PBXIP1: variants seen among roughly 807,000 people sequenced by gnomAD.
PBXIP1 encodes pre-B-cell leukemia transcription factor-interacting protein 1.
PBXIP1 carries 73 observed loss-of-function variants against 73.7 expected under a neutral mutation model. That is an observed-to-expected ratio of 0.99 (90% CI 0.82 to 1.20). PBXIP1 has a LOEUF of 1.20. Among genes scored for constraint, PBXIP1 ranks in the 50% most tolerant of loss-of-function variants. The pLI is 0.00. For synonymous variants in PBXIP1, 330 were observed against 366.9 expected, an observed-to-expected ratio of 0.90 and a Z score of 1.15; for missense variants, 818 against 911.4, an observed-to-expected ratio of 0.90 and a Z score of 1.32.
At chr1:154,948,398 G>A in intron 5 of PBXIP1, 32 bp from the exon 6 acceptor site, 2 of 1,450,340 alleles carry the variant, frequency 1.4e-6, no homozygotes, top group Admixed American at 2.0e-5. Context: ...GGGCAGTGAG[G>A]TGACTGGAGA....
chr1:154,954,375 C>T (rs535058845), intron 1 of PBXIP1, among the ~76,000 whole-genome samples: 4 of 152,254 alleles, frequency 2.6e-5, no homozygotes, highest in East Asian at 1.9e-4. Context: ...GGGGTAGGCC[C>T]GGCTGTGGGT....
At chr1:154,953,317 C>T (rs999663917) in intron 2 of PBXIP1, among the ~76,000 whole-genome samples, 2 of 152,188 alleles carry the variant, frequency 1.3e-5, no homozygotes, top group Non-Finnish European at 2.9e-5. Flanking sequence ...CCAACACTGG[C>T]TCCAACCCAC....
intron 2 of PBXIP1, among the ~76,000 whole-genome samples, chr1:154,952,527 T>A (rs1655042812): frequency 6.6e-6 from 1 of 152,004 alleles, no homozygotes; most frequent in Admixed American, 6.5e-5. Context: ...CTCGGCCTCC[T>A]CCCTCTGCCT....
chr1:154,947,433 A>G lies in PBXIP1; in HGVS notation c.854T>C (p.Leu285Pro). The G allele has an allele frequency of 1.2e-6, 2 of 1,614,104 alleles. No homozygotes were observed. Among genetic ancestry groups the G allele is most frequent in the Non-Finnish European group, 1.7e-6 (2 of 1,179,988 alleles). The change falls in exon 9 of 11, where the codon CTG (leucine) becomes CCG (proline). Residue 285 changes from leucine to proline, a missense_variant. Transcript: ENST00000368463. ...TGTGCCCACCTGCAGCTGGGCCTGC[A>G]GCAGCCGGATGTCCTGGTTCTCCTT... ...LAKENQDIRL[L>P]QAQLQAQKEE...
intron 7 of PBXIP1, 112 bp downstream of exon 7, chr1:154,947,870 C>G: frequency 7.3e-7 from 1 of 1,378,256 alleles, no homozygotes; most frequent in Non-Finnish European, 1.0e-6. Context: ...GAACAGCTGA[C>G]AAGGCCACTA....
Position 154,951,492 on chromosome 1 carries a change from T to C in PBXIP1, c.222A>G (p.Leu74=). ...TCACCTTGACCTCAGTCTCCTCTGTTAGAATGCTGCCAGACTGAGGGCTTT... is the reference window on the plus strand; with the variant it reads ...TCACCTTGACCTCAGTCTCCTCTGTCAGAATGCTGCCAGACTGAGGGCTTT... ...QTESPQSGSI[L]TEETEVKGTL... Residue 74 remains leucine, a synonymous_variant, in exon 4 of 11, where the codon CTA becomes CTG. Coordinates refer to ENST00000368463, the MANE Select transcript of PBXIP1 (RefSeq NM_020524.4). The surrounding 1 kb of genome is among the most constrained non-coding windows in gnomAD (Gnocchi z 4.3). 6.2e-7 allele frequency: 1 copy of C among 1,614,026 alleles called. No homozygotes were observed.
At chr1:154,945,348 A>G (rs1654766681) in intron 10 of PBXIP1, among the ~76,000 whole-genome samples, 1 of 152,160 alleles carries the variant, frequency 6.6e-6, no homozygotes, top group South Asian at 2.1e-4. Context: ...GCAACTCAGG[A>G]GAAAGAATCC....
chr1:154,948,150 C>T lies in PBXIP1; in HGVS notation c.626G>A (p.Gly209Glu). 2 of 1,587,130 alleles carry T rather than the reference C, an allele frequency of 1.3e-6. No individual in the cohort carries two copies. Among genetic ancestry groups the T allele is most frequent in the East Asian group, 2.2e-5 (1 of 44,602 alleles). The change falls in exon 6 of 11, where the codon GGG becomes GAG. Residue 209 changes from glycine (G) to glutamate (E), a missense_variant. Transcript: ENST00000368463. Reference sequence around the variant, plus strand: ...CCACTCACCTGAGAAGAGGAGGACCCCCAGGCCAAGCAGAACCAGGGCCCC... The same window carrying T: ...CCACTCACCTGAGAAGAGGAGGACCTCCAGGCCAAGCAGAACCAGGGCCCC... ...LLGALVLLGLGVLLFSGGLSE... is the reference protein window; with the variant it reads ...LLGALVLLGLEVLLFSGGLSE...
At chr1:154,945,402 A>T (rs1037934963) in intron 10 of PBXIP1, among the ~76,000 whole-genome samples, 170 bp downstream of exon 10, 3 of 152,170 alleles carry the variant, frequency 2.0e-5, no homozygotes, top group African/African-American at 7.2e-5. Context: ...TGGGGTGGGC[A>T]CAGGCAGCTT....
Position 154,946,320 on chromosome 1 carries a change from C to A in PBXIP1, c.1354G>T (p.Val452Phe), listed in dbSNP as rs763666133. ...GLENWGQDPG[V>F]SANASKAWHQ... ...CAGGCCTTTGAGGCATTGGCAGAGACCCCAGGGTCCTGGCCCCAGTTCTCC... is the reference window on the plus strand; with the variant it reads ...CAGGCCTTTGAGGCATTGGCAGAGAACCCAGGGTCCTGGCCCCAGTTCTCC... Residue 452 changes from valine (V) to phenylalanine (F), a missense_variant, in exon 10 of 11, where the codon GTC (valine) becomes TTC (phenylalanine). Physicochemically the swap from Val to Phe is conservative, Grantham distance 50 (BLOSUM62 -1). Transcript: ENST00000368463. 2 of 1,614,030 alleles carry A rather than the reference C, an allele frequency of 1.2e-6. No individual in the cohort carries two copies. Among genetic ancestry groups the A allele is most frequent in the African/African-American group, 2.7e-5 (2 of 74,922 alleles).
chr1:154,944,940 G>A lies in PBXIP1; in HGVS notation c.*84C>T. ...ATATCTGAGGACACCAAACAAGCCAGGACAGAGTCCACCCTCCAGGAGTTA... is the reference window on the plus strand; with the variant it reads ...ATATCTGAGGACACCAAACAAGCCAAGACAGAGTCCACCCTCCAGGAGTTA... On this transcript the variant is annotated 3_prime_UTR_variant, in exon 11 of 11. Transcript: ENST00000368463. 1 of 1,134,862 alleles carries A rather than the reference G, an allele frequency of 8.8e-7. No homozygotes were observed. The highest frequency in any genetic ancestry group is 1.5e-5 in the African/African-American group (1 of 65,966). 70.3% of individuals were successfully genotyped at this position (1,134,862 alleles called of 1,614,324 possible). A position where few individuals can be genotyped will look rare whatever the true frequency, so the allele number is the denominator to read the frequency against.
intron 5 of PBXIP1, among the ~76,000 whole-genome samples, chr1:154,948,774 G>A (rs987861504): frequency 1.3e-5 from 2 of 152,050 alleles, no homozygotes; most frequent in East Asian, 3.9e-4. Flanking sequence ...CAGGTTCTCT[G>A]CTCTTCTCAC....
At position 154,951,756 on chromosome 1, in the gene PBXIP1, C is replaced by T. The variant is rs370627865; in HGVS notation, c.178+39G>A. ...AGAAACCCCAAAATATGGAGAATAG[C>T]TTTGTCCGGTAAGCTATGTCCTAAG... On this transcript the variant is annotated intron_variant, in intron 3 of 10. Transcript: ENST00000368463. The surrounding 1 kb of genome is among the most constrained non-coding windows in gnomAD (Gnocchi z 4.3). 69 of 1,604,668 alleles carry T rather than the reference C, an allele frequency of 4.3e-5. 1 individual carries two copies. The Middle Eastern group carries it at 1.7e-3, about 38-fold the overall frequency.
Position 154,944,985 on chromosome 1 carries a change from G to T in PBXIP1, c.*39C>A. 1.3e-6 allele frequency: 2 copies of T among 1,529,690 alleles called. No individual in the cohort carries two copies. The highest frequency in any genetic ancestry group is 9.1e-7 in the Non-Finnish European group (1 of 1,104,246). 94.8% of individuals were successfully genotyped at this position (1,529,690 alleles called of 1,614,324 possible). Reference sequence around the variant, plus strand: ...GAGTTAGATAACGCTGGGATCTTGGGCTGGGCCAGGCCAAGGCCATTCCCT... The same window carrying T: ...GAGTTAGATAACGCTGGGATCTTGGTCTGGGCCAGGCCAAGGCCATTCCCT... On this transcript the variant is annotated 3_prime_UTR_variant, in exon 11 of 11. Transcript: ENST00000368463.
Position 154,955,312 on chromosome 1 carries a change from C to A in PBXIP1, c.-37+757G>T, listed in dbSNP as rs370190381. Among the ~76,000 whole-genome samples, 8 of 152,260 alleles carry A rather than the reference C, an allele frequency of 5.3e-5. No individual in the cohort carries two copies. The East Asian group carries it at 1.2e-3, about 22-fold the overall frequency. On this transcript the variant is annotated intron_variant, in intron 1 of 10. Coordinates refer to ENST00000368463, the MANE Select transcript of PBXIP1 (RefSeq NM_020524.4). ...AGGAAGGAAGTGGCAGCAGCTTGGG[C>A]TGAAGTCCCTGTTTATCCCTAGCTG...
At chr1:154,952,076 G>C (rs1329536738) in intron 2 of PBXIP1, among the ~76,000 whole-genome samples, 155 bp from the exon 3 acceptor site, 2 of 152,170 alleles carry the variant, frequency 1.3e-5, no homozygotes, top group Non-Finnish European at 2.9e-5. Flanking sequence ...ACTGCGAGGA[G>C]GAACTTTCAG....
Position 154,947,541 on chromosome 1 carries a change from A to G in PBXIP1, c.746T>C (p.Leu249Pro). ...LEAVGDRQDG[L>P]REQLQAPVPP... ...CACTGGGGCCTGCAGCTGTTCCCTT[A>G]GCCCATCCTGAGGGCAGAAGAGCCT... Residue 249 changes from leucine to proline, a missense_variant, in exon 9 of 11, where the codon CTA becomes CCA. Physicochemically the swap from Leu to Pro is moderately conservative, Grantham distance 98. Coordinates refer to ENST00000368463, the MANE Select transcript of PBXIP1 (RefSeq NM_020524.4). The G allele has an allele frequency of 6.2e-7, 1 of 1,605,184 alleles. No homozygotes were observed. Among genetic ancestry groups the G allele is most frequent in the Non-Finnish European group, 8.5e-7 (1 of 1,174,230 alleles).
chr1:154,947,343 T>C, intron 9 of PBXIP1, 74 bp downstream of exon 9: 1 of 1,542,096 alleles, frequency 6.5e-7, no homozygotes, highest in Non-Finnish European at 9.0e-7. Flanking sequence ...AACATTCCTT[T>C]TGGGGGAGGA....
chr1:154,946,060 C>T lies in PBXIP1; in HGVS notation c.1614G>A (p.Pro538=), dbSNP rs1037319940. ...GSKKEGKRQG[P]KEPPRKSGSF... is the part of the protein sequence containing the mutation. ...TACCACTTTTCCTTGGGGGTTCCTT[C>T]GGGCCCTGTCGCTTGCCCTCCTTCT... is the stretch of plus-strand genomic sequence containing the variant. The change falls in exon 10 of 11, where the codon CCG becomes CCA. Residue 538 remains proline, a synonymous_variant. Transcript: ENST00000368463. The T allele has an allele frequency of 5.0e-6, 8 of 1,614,032 alleles. No homozygotes were observed. In the African/African-American group the frequency reaches 5.3e-5, roughly 11 times the overall value.
Sources: gnomAD v4.1 joint callset for allele counts (sites outside exome capture counted in the v4.1 genomes callset) on GRCh38, gnomAD v4.1.1 for gene constraint, Gnocchi (gnomAD v3.1) non-coding constraint, MANE v1.5 for transcripts, NCBI Gene and HGNC (gene_info 2026-07-23, HGNC 2026-07-21) for gene names.